Variants in AGPAT3 observed in about 807,000 individuals in gnomAD.
AGPAT3 encodes 1-acylglycerol-3-phosphate O-acyltransferase 3.
Under a neutral mutation model 47.3 loss-of-function variants are expected in AGPAT3, and 5 were observed. That is an observed-to-expected ratio of 0.11 (90% confidence interval 0.06 to 0.22). The LOEUF is 0.22. AGPAT3 is among the 10% of genes least tolerant of loss of function. The pLI is 1.00. For synonymous variants in AGPAT3, 212 were observed against 208.3 expected (o/e 1.02, Z -0.15); for missense variants, 315 against 493.0 (o/e 0.64, Z 3.42).
In AGPAT3 at chr21:43,922,896, G is replaced by A. The variant is rs1267432566; in HGVS notation, c.-49+18877G>A. 6.6e-6 allele frequency among the ~76,000 whole-genome samples: 1 copy of A among 152,214 alleles called. No homozygotes were observed. The highest frequency in any genetic ancestry group is 6.5e-5 in the Admixed American group (1 of 15,292). On this transcript the variant is annotated intron_variant, in intron 2 of 9. Coordinates refer to ENST00000291572, the MANE Select transcript of AGPAT3 (RefSeq NM_020132.5). The surrounding 1 kb of genome is among the most constrained non-coding windows in gnomAD (Gnocchi z 4.9). ...CAGTGGTGGTGGCAGAGCCAGCCTG[G>A]GGTCTGGGCATGGGGCGCCTGTCCC...
At chr21:43,959,910 G>T in intron 3 of AGPAT3, 51 bp downstream of exon 3, 2 of 1,539,934 alleles carry the variant, frequency 1.3e-6, no homozygotes, top group African/African-American at 2.7e-5. Context: ...CGTGGGGGTG[G>T]CGCGCGACCA....
chr21:43,965,051 C>T (rs1199247372), intron 3 of AGPAT3: 1 of 152,784 alleles, frequency 6.5e-6, no homozygotes, highest in African/African-American at 2.4e-5. Flanking sequence ...ACCTCAGCCT[C>T]CTTGAGTAGC....
intron 2 of AGPAT3, among the ~76,000 whole-genome samples, chr21:43,957,235 CAG>C (rs1299176692): frequency 2.1e-5 from 2 of 96,240 alleles, no homozygotes; most frequent in Non-Finnish European, 4.2e-5. Flanking sequence ...GGAGTCGGGA[CAG>C]GGGGTTTCAT....
intron 7 of AGPAT3, among the ~76,000 whole-genome samples, chr21:43,974,929 C>T (rs913744397): frequency 1.4e-4 from 21 of 152,206 alleles, no homozygotes; most frequent in African/African-American, 3.9e-4. Flanking sequence ...TTTACTGGGA[C>T]GTGATGTTGT....
At position 43,982,603 on chromosome 21, in the gene AGPAT3, A is replaced by C; in HGVS notation, c.*211A>C. 9 of 408,976 alleles carry C rather than the reference A, an allele frequency of 2.2e-5. No individual in the cohort carries two copies. The highest frequency in any genetic ancestry group is 4.2e-5 in the African/African-American group (2 of 47,656). The allele number at this position is 408,976 out of a possible 1,614,324, so 25.3% of individuals were successfully genotyped here. A position where few individuals can be genotyped will look rare whatever the true frequency, so the allele number is the denominator to read the frequency against. On this transcript the variant is annotated 3_prime_UTR_variant, in exon 10 of 10. Transcript: ENST00000291572. This position sits in a 1 kb window ranked among gnomAD's most constrained non-coding sequence, Gnocchi z 6.2. Reference sequence around the variant, plus strand: ...CACAGCGCAGGGTCCCAGCATCTCCACGCGCGCCCGTGGGAGGTGGGTCCG... The same window carrying C: ...CACAGCGCAGGGTCCCAGCATCTCCCCGCGCGCCCGTGGGAGGTGGGTCCG...
Position 43,983,295 on chromosome 21 carries a change from A to C in AGPAT3, c.*903A>C, listed in dbSNP as rs2029902810. 6.6e-6 allele frequency: 1 copy of C among 152,272 alleles called. No homozygotes were observed. The highest frequency in any genetic ancestry group is 1.5e-5 in the Non-Finnish European group (1 of 68,048). The allele number at this position is 152,272 out of a possible 1,614,324, so 9.4% of individuals were successfully genotyped here. On this transcript the variant is annotated 3_prime_UTR_variant, in exon 10 of 10. Transcript: ENST00000291572. Reference sequence around the variant, plus strand: ...CTGTGGGACTCTAGGATGCTTCAGAAGAAGCGACGGCACCGTCAACCCTCT... The same window carrying C: ...CTGTGGGACTCTAGGATGCTTCAGACGAAGCGACGGCACCGTCAACCCTCT...
At chr21:43,868,412 C>T (rs1047787905) in intron 1 of AGPAT3, among the ~76,000 whole-genome samples, 2 of 152,050 alleles carry the variant, frequency 1.3e-5, no homozygotes, top group East Asian at 3.9e-4. Context: ...ACTTAAGACT[C>T]AAAGTGGAGC....
intron 3 of AGPAT3, chr21:43,965,605 T>G (rs182927241): frequency 1.0e-5 from 1 of 97,578 alleles, no homozygotes; most frequent in Non-Finnish European, 2.1e-5. Context: ...GAATTTTAGG[T>G]TTTTTTTGTT....
intron 1 of AGPAT3, among the ~76,000 whole-genome samples, chr21:43,902,550 TG>T (rs1317635481): frequency 6.6e-6 from 1 of 152,246 alleles, no homozygotes; most frequent in Non-Finnish European, 1.5e-5. Flanking sequence ...GGCCTCTTCC[TG>T]GTTGTGCCCT....
intron 7 of AGPAT3, 146 bp from the exon 8 acceptor site, chr21:43,977,895 AAAAAG>A (rs1209952600): frequency 5.3e-5 from 33 of 617,486 alleles, no homozygotes; most frequent in South Asian, 2.1e-4. Context: ...CAAAAAAAAA[AAAAAG>A]AAAAGAAAAG....
At position 43,954,453 on chromosome 21, in the gene AGPAT3, C is replaced by G. The variant is rs970700884; in HGVS notation, c.-48-5181C>G. 6.6e-6 allele frequency: 1 copy of G among 152,370 alleles called. No homozygotes were observed. The highest frequency in any genetic ancestry group is 1.5e-5 in the Non-Finnish European group (1 of 68,172). The allele number at this position is 152,370 out of a possible 1,614,324, so 9.4% of individuals were successfully genotyped here. A position where few individuals can be genotyped will look rare whatever the true frequency, so the allele number is the denominator to read the frequency against. ...GGCGGGCGGGAGAGGCCCCTGAGTT[C>G]CGCTAGCTGGAATTAAGCAGGTGAA... On this transcript the variant is annotated intron_variant, in intron 2 of 9. Transcript: ENST00000291572. This position sits in a 1 kb window ranked among gnomAD's most constrained non-coding sequence, Gnocchi z 4.0.
chr21:43,972,450 A>C (rs1038853963), intron 7 of AGPAT3, among the ~76,000 whole-genome samples: 1 of 152,148 alleles, frequency 6.6e-6, no homozygotes, highest in Non-Finnish European at 1.5e-5. Context: ...TGGGCCGAAG[A>C]GCCTTTTTCA....
chr21:43,937,876 C>T (rs775204692), intron 2 of AGPAT3, among the ~76,000 whole-genome samples: 1 of 152,180 alleles, frequency 6.6e-6, no homozygotes, highest in Non-Finnish European at 1.5e-5. Context: ...TAGCCATTGC[C>T]TTCTATACCT....
At chr21:43,889,961 GACATTTTGGATCCGTGTCCCTAAAATCTA>G (rs1300415957) in intron 1 of AGPAT3, among the ~76,000 whole-genome samples, 4 of 152,158 alleles carry the variant, frequency 2.6e-5, no homozygotes, top group East Asian at 1.9e-4. Context: ...CCTAAAATCT[GACATTTTGGATCCGTGTCCCTAAAATCTA>G]ACATTTTGGA....
intron 1 of AGPAT3, among the ~76,000 whole-genome samples, chr21:43,876,306 T>G (rs1332434042): frequency 6.6e-6 from 1 of 152,222 alleles, no homozygotes; most frequent in African/African-American, 2.4e-5. Context: ...TTGAATTTCT[T>G]GAGGGTTGGA....
At chr21:43,956,646 A>G (rs1290496979) in intron 2 of AGPAT3, among the ~76,000 whole-genome samples, 1 of 152,216 alleles carries the variant, frequency 6.6e-6, no homozygotes, top group East Asian at 1.9e-4. Flanking sequence ...CAGTGTGTGG[A>G]GTCAGCAATT....
At chr21:43,888,786 C>T (rs989456034) in intron 1 of AGPAT3, among the ~76,000 whole-genome samples, 9 of 152,130 alleles carry the variant, frequency 5.9e-5, no homozygotes, top group Admixed American at 1.3e-4. Flanking sequence ...GTCAGGAGTT[C>T]GAAACCAGCT....
Position 43,978,599 on chromosome 21 carries a change from A to G in AGPAT3, c.843+478A>G, listed in dbSNP as rs184418006. 3.0e-4 allele frequency among the ~76,000 whole-genome samples: 45 copies of G among 152,326 alleles called. No homozygotes were observed. The East Asian group carries it at 8.3e-3, about 28-fold the overall frequency. ...GCTGGGATTACAGGCATGAGCCACC[A>G]CACCTGGTCCCTTCTTCTTAATGTT... On this transcript the variant is annotated intron_variant, in intron 8 of 9. Coordinates refer to ENST00000291572, the MANE Select transcript of AGPAT3 (RefSeq NM_020132.5).
chr21:43,980,275 C>CAAAAAA (rs1223637093), intron 8 of AGPAT3, among the ~76,000 whole-genome samples: 2 of 54,614 alleles, frequency 3.7e-5, no homozygotes, highest in Non-Finnish European at 7.4e-5. Context: ...GACTCCATCT[C>CAAAAAA]AAAAAAAAAA....
Sources: gnomAD v4.1 joint callset for allele counts (sites outside exome capture counted in the v4.1 genomes callset) on GRCh38, gnomAD v4.1.1 for gene constraint, Gnocchi (gnomAD v3.1) non-coding constraint, MANE v1.5 for transcripts, NCBI Gene and HGNC (gene_info 2026-07-23, HGNC 2026-07-21) for gene names.